The following INTS14 variants were observed in gnomAD, a reference collection of about 807,000 sequenced individuals.
The protein encoded by INTS14 is UPF0464 protein C15orf44.
INTS14 carries 27 observed loss-of-function variants against 56.9 expected under a neutral mutation model. That is an observed-to-expected ratio of 0.47 (90% CI 0.35 to 0.65). The LOEUF (loss-of-function observed/expected upper bound fraction) is 0.65, where lower values mean the gene tolerates loss of function less well. INTS14 is among the 30% of genes least tolerant of loss of function. The pLI is 0.00. For missense variants in INTS14, 517 were observed against 632.2 expected (o/e 0.82, Z 1.95); for synonymous variants, 207 against 236.2 (o/e 0.88, Z 1.13).
intron 9 of INTS14, among the ~76,000 whole-genome samples, chr15:65,585,279 T>C (rs1320483427): frequency 6.6e-6 from 1 of 152,172 alleles, no homozygotes; most frequent in Non-Finnish European, 1.5e-5. Context: ...GATGGAAATG[T>C]TCTATATCTG....
chr15:65,600,478 A>G (rs1203412429), intron 3 of INTS14, among the ~76,000 whole-genome samples: 2 of 150,602 alleles, frequency 1.3e-5, no homozygotes, highest in African/African-American at 4.9e-5. Flanking sequence ...AAAATACAAG[A>G]ATTAACTGGG....
intron 11 of INTS14, among the ~76,000 whole-genome samples, chr15:65,581,271 T>C (rs2072599960): frequency 2.0e-5 from 3 of 147,530 alleles, no homozygotes; most frequent in African/African-American, 7.7e-5. Context: ...TCCCAGCTAC[T>C]TGGGAGGCTG....
chr15:65,588,024 G>A (rs8031058), intron 9 of INTS14, among the ~76,000 whole-genome samples: 42,040 of 151,708 alleles, frequency 0.28, 7,750 homozygotes, highest in African/African-American at 0.53. Flanking sequence ...ACAGTGGCTC[G>A]TGCCTGTAAT....
intron 8 of INTS14, among the ~76,000 whole-genome samples, chr15:65,592,097 A>G (rs2073052473): frequency 6.6e-6 from 1 of 152,224 alleles, no homozygotes; most frequent in Non-Finnish European, 1.5e-5. Context: ...CAGCAGCACC[A>G]AGAGAAGCCC....
rs148191866 is a variant in INTS14 at position 65,597,223 on chromosome 15, A to G, written c.748+1098T>C. Reference sequence around the variant, plus strand: ...GGCACAAAAAGTAAAAAGACTGTTCACAGCCCCTCACTCCAACACTCCTTA... The same window carrying G: ...GGCACAAAAAGTAAAAAGACTGTTCGCAGCCCCTCACTCCAACACTCCTTA... On this transcript the variant is annotated intron_variant, in intron 6 of 11. Transcript: ENST00000313182. 2.0e-3 allele frequency among the ~76,000 whole-genome samples: 302 copies of G among 152,332 alleles called. 1 individual carries two copies. Among genetic ancestry groups the G allele is most frequent in the African/African-American group, 7.0e-3 (291 of 41,564 alleles).
At chr15:65,607,513 C>G in intron 1 of INTS14, 71 bp from the exon 2 acceptor site, 1 of 1,469,246 alleles carries the variant, frequency 6.8e-7, no homozygotes, top group Non-Finnish European at 9.1e-7. Context: ...CTTTAACTAA[C>G]TTCTCAGAAA....
intron 9 of INTS14, 23 bp downstream of exon 9, chr15:65,591,575 G>A (rs772960745): frequency 1.2e-6 from 2 of 1,609,614 alleles, no homozygotes; most frequent in Non-Finnish European, 1.7e-6. Context: ...GTCAGGATAA[G>A]TAAAATCTGA....
At chr15:65,609,823 G>C (rs770484588) in intron 1 of INTS14, among the ~76,000 whole-genome samples, 2 of 152,046 alleles carry the variant, frequency 1.3e-5, no homozygotes, top group Non-Finnish European at 2.9e-5. Flanking sequence ...CACAGACTTA[G>C]ATCAAATACA....
intron 9 of INTS14, among the ~76,000 whole-genome samples, chr15:65,590,861 C>T (rs1048421579): frequency 6.6e-6 from 1 of 152,040 alleles, no homozygotes; most frequent in Non-Finnish European, 1.5e-5. Flanking sequence ...GCTAGTGGCA[C>T]AAATGACTTA....
chr15:65,585,862 C>G (rs2072799861), intron 9 of INTS14, among the ~76,000 whole-genome samples: 1 of 152,090 alleles, frequency 6.6e-6, no homozygotes, highest in South Asian at 2.1e-4. Flanking sequence ...GATATTGGAC[C>G]AACACTTCCT....
Position 65,579,231 on chromosome 15 carries a change from A to T in INTS14, c.*177T>A. 1.2e-6 allele frequency: 1 copy of T among 865,026 alleles called. No individual in the cohort carries two copies. The highest frequency in any genetic ancestry group is 1.7e-6 in the Non-Finnish European group (1 of 585,724). The allele number at this position is 865,026 out of a possible 1,614,324, so 53.6% of individuals were successfully genotyped here. ...CAGGAAGTTAAAGCCCAACCAGCCA[A>T]CCACCTTCACATCCTTCTCATACTA... is the stretch of plus-strand genomic sequence containing the variant. On this transcript the variant is annotated 3_prime_UTR_variant, in exon 12 of 12. Transcript: ENST00000313182.
chr15:65,608,364 CAAAAAAAAAAAA>C (rs35399300), intron 1 of INTS14, among the ~76,000 whole-genome samples: 2 of 64,058 alleles, frequency 3.1e-5, no homozygotes, highest in African/African-American at 1.2e-4. Context: ...GGCTCCATCT[CAAAAAAAAAAAA>C]AAAAAAAAAA....
intron 9 of INTS14, among the ~76,000 whole-genome samples, chr15:65,590,843 C>T (rs2072999127): frequency 6.6e-6 from 1 of 152,064 alleles, no homozygotes; most frequent in Admixed American, 6.6e-5. Context: ...ACAGTTGGAA[C>T]CTGAGTAGCT....
At chr15:65,581,242 T>C (rs112574711) in intron 11 of INTS14, among the ~76,000 whole-genome samples, 9,463 of 150,714 alleles carry the variant, frequency 0.063, 326 homozygotes, top group African/African-American at 0.091. Flanking sequence ...TAGCCGGGCA[T>C]GGTGGCACAC....
In INTS14 at chr15:65,611,128, G is replaced by T. The variant is rs766286110; in HGVS notation, c.-93C>A. On this transcript the variant is annotated 5_prime_UTR_variant, in exon 1 of 12. Transcript: ENST00000313182. Reference sequence around the variant, plus strand: ...GCCCATCGCCGGACACAGTCCGTCGGCATAAACTTTCCGTCGGCATAAACT... The same window carrying T: ...GCCCATCGCCGGACACAGTCCGTCGTCATAAACTTTCCGTCGGCATAAACT... The T allele has an allele frequency of 6.5e-7, 1 of 1,534,858 alleles. No individual in the cohort carries two copies. Among genetic ancestry groups the T allele is most frequent in the Non-Finnish European group, 8.7e-7 (1 of 1,146,412 alleles).
At chr15:65,583,290 C>T (rs905002310) in intron 10 of INTS14, among the ~76,000 whole-genome samples, 23 of 152,090 alleles carry the variant, frequency 1.5e-4, no homozygotes, top group East Asian at 9.6e-4. Context: ...CCCTAATGTC[C>T]GTCAACTGAG....
chr15:65,609,860 T>C (rs774109489), intron 1 of INTS14, among the ~76,000 whole-genome samples: 15 of 152,160 alleles, frequency 9.9e-5, no homozygotes, highest in Non-Finnish European at 2.2e-4. Context: ...CCGTGAAATC[T>C]GCTGTTGACA....
intron 1 of INTS14, among the ~76,000 whole-genome samples, chr15:65,610,511 AG>A (rs1326262549): frequency 7.7e-6 from 1 of 129,576 alleles, no homozygotes; most frequent in Non-Finnish European, 1.5e-5. Context: ...CTTCTTTCTC[AG>A]GAACAGTCTG....
chr15:65,594,577 T>A (rs2073146941), intron 7 of INTS14, among the ~76,000 whole-genome samples: 1 of 144,578 alleles, frequency 6.9e-6, no homozygotes, highest in South Asian at 2.2e-4. Context: ...TTTTTTTTTG[T>A]ATTTTTAGTG....
Sources: allele counts gnomAD v4.1 joint callset (sites outside exome capture counted in the v4.1 genomes callset), GRCh38; gene constraint gnomAD v4.1.1; transcripts MANE v1.5; gene names NCBI Gene and HGNC (gene_info 2026-07-23, HGNC 2026-07-21).